DTNBP1: variants seen among roughly 807,000 people sequenced by gnomAD.
DTNBP1 encodes dysbindin.
In DTNBP1, 35 loss-of-function variants were observed where a neutral mutation model predicts 42.8. The ratio of observed to expected loss-of-function variants is 0.82; its 90% CI spans 0.63 to 1.09. DTNBP1 has a LOEUF of 1.09. Ranked by LOEUF, DTNBP1 falls within the 50% of genes least tolerant of loss-of-function variation. DTNBP1 has a pLI of 0.00. For synonymous variants in DTNBP1, 171 were observed against 162.2 expected (o/e 1.05, Z -0.41); for missense variants, 457 against 424.2 (o/e 1.08, Z -0.68).
At chr6:15,527,246 A>T (rs1772469478) in intron 8 of DTNBP1, among the ~76,000 whole-genome samples, 1 of 152,214 alleles carries the variant, frequency 6.6e-6, no homozygotes, top group Non-Finnish European at 1.5e-5. Context: ...TGGCAGAATG[A>T]CAATGAAAAC....
At chr6:15,570,644 C>A (rs1191464807) in intron 7 of DTNBP1, among the ~76,000 whole-genome samples, 3 of 152,214 alleles carry the variant, frequency 2.0e-5, no homozygotes, top group Admixed American at 2.0e-4. Context: ...CTGTTCACTG[C>A]AATAAAGTCA....
rs544560230 is a variant in DTNBP1 at position 15,575,776 on chromosome 6, T to C, written c.511+17283A>G. Among the ~76,000 whole-genome samples the C allele has an allele frequency of 9.8e-5, 15 of 152,302 alleles. No individual in the cohort carries two copies. The East Asian group carries it at 2.7e-3, about 27-fold the overall frequency. On this transcript the variant is annotated intron_variant, in intron 7 of 9. Transcript: ENST00000344537. The stretch of plus-strand genomic sequence containing the variant: ...GATGAATAGATGTGGGAGGTGCACC[T>C]CATGAGCTTTTGAGGGGGACCTCCC...
intron 7 of DTNBP1, among the ~76,000 whole-genome samples, chr6:15,565,832 G>A (rs897710283): frequency 1.3e-5 from 2 of 151,848 alleles, no homozygotes; most frequent in Non-Finnish European, 3.0e-5. Flanking sequence ...TTTATGGCTT[G>A]TAGATTATAC....
intron 3 of DTNBP1, among the ~76,000 whole-genome samples, chr6:15,638,773 C>T (rs1211403917): frequency 6.6e-6 from 1 of 151,670 alleles, no homozygotes; most frequent in Admixed American, 6.6e-5. Context: ...TACTAACTTA[C>T]AGTTAATTAC....
In DTNBP1 at chr6:15,637,804, C is replaced by T. The variant is rs77460377; in HGVS notation, c.162G>A (p.Arg54=). 1,828 of 1,612,376 alleles carry T rather than the reference C, an allele frequency of 1.1e-3. 2 individuals carry two copies. Among genetic ancestry groups the T allele is most frequent in the Non-Finnish European group, 1.4e-3 (1,673 of 1,179,916 alleles). Residue 54 remains arginine, a splice_region_variant and synonymous_variant, in exon 4 of 10, where the codon AGG becomes AGA. Coordinates refer to ENST00000344537, the MANE Select transcript of DTNBP1 (RefSeq NM_032122.5). ...GAAGTGCAGCCCATGTATCCTCATA[C>T]CTAAAAAAAAGCAAAAAATAATTTG... ...KYSAGLELLS[R]YEDTWAALHR...
intron 7 of DTNBP1, among the ~76,000 whole-genome samples, chr6:15,547,748 G>A (rs1773965686): frequency 6.6e-6 from 1 of 152,146 alleles, no homozygotes; most frequent in Non-Finnish European, 1.5e-5. Flanking sequence ...CCTGTGCTTG[G>A]TGGCTTCCAC....
At chr6:15,652,950 G>C (rs1241448727) in intron 1 of DTNBP1, among the ~76,000 whole-genome samples, 1 of 152,058 alleles carries the variant, frequency 6.6e-6, no homozygotes, top group African/African-American at 2.4e-5. Flanking sequence ...CTTACCCCAA[G>C]CCCCTTTTTT....
chr6:15,652,166 T>C (rs1444947929), intron 1 of DTNBP1, 26 bp from the exon 2 acceptor site: 25 of 1,518,374 alleles, frequency 1.6e-5, no homozygotes, highest in Non-Finnish European at 2.2e-5. Context: ...AAATATAATA[T>C]TTTTACAAGT....
chr6:15,652,671 A>G (rs1194206417), intron 1 of DTNBP1, among the ~76,000 whole-genome samples: 2 of 152,168 alleles, frequency 1.3e-5, no homozygotes, highest in East Asian at 1.9e-4. Context: ...TCTGTTGCCC[A>G]GGCTAGAGTA....
intron 5 of DTNBP1, among the ~76,000 whole-genome samples, chr6:15,625,468 G>A (rs764916119): frequency 6.6e-6 from 1 of 152,180 alleles, no homozygotes; most frequent in Non-Finnish European, 1.5e-5. Context: ...TGAACATTTG[G>A]AAGGCCTACC....
chr6:15,524,783 G>T, intron 8 of DTNBP1, 114 bp from the exon 9 acceptor site: 1 of 1,491,088 alleles, frequency 6.7e-7, no homozygotes, highest in Non-Finnish European at 9.0e-7. Context: ...CCTTCAAAAT[G>T]GAATTTGAAG....
At chr6:15,524,457 G>A (rs750121859) in intron 9 of DTNBP1, 69 bp downstream of exon 9, 35 of 1,613,886 alleles carry the variant, frequency 2.2e-5, no homozygotes, top group Non-Finnish European at 2.7e-5. Context: ...TGGTTCTCAC[G>A]TCTCACCTTT....
intron 7 of DTNBP1, among the ~76,000 whole-genome samples, chr6:15,588,890 A>C (rs760666): frequency 6.6e-6 from 1 of 152,220 alleles, no homozygotes; most frequent in African/African-American, 2.4e-5. Flanking sequence ...CTCTCTGGTT[A>C]ATTACTCCCA....
At chr6:15,565,307 T>C (rs1308103461) in intron 7 of DTNBP1, among the ~76,000 whole-genome samples, 2 of 152,172 alleles carry the variant, frequency 1.3e-5, no homozygotes, top group Non-Finnish European at 2.9e-5. Context: ...AAACTTATCA[T>C]AGAATCCAGC....
In DTNBP1 at chr6:15,561,700, G is replaced by A. The variant is rs575467523; in HGVS notation, c.512-28305C>T. Among the ~76,000 whole-genome samples, 335 of 152,290 alleles carry A rather than the reference G, an allele frequency of 2.2e-3. 1 individual carries two copies. Among genetic ancestry groups the A allele is most frequent in the African/African-American group, 7.8e-3 (325 of 41,558 alleles). Reference sequence around the variant, plus strand: ...GCAACTCCATCTTGAATAGGGGCTGGGTAAAATGACCTGCTGGGCTGAATT... The same window carrying A: ...GCAACTCCATCTTGAATAGGGGCTGAGTAAAATGACCTGCTGGGCTGAATT... On this transcript the variant is annotated intron_variant, in intron 7 of 9. Coordinates refer to ENST00000344537, the MANE Select transcript of DTNBP1 (RefSeq NM_032122.5).
chr6:15,615,340 A>T lies in DTNBP1; in HGVS notation c.415T>A (p.Cys139Ser). 3 of 1,614,158 alleles carry T rather than the reference A, an allele frequency of 1.9e-6. No individual in the cohort carries two copies. The highest frequency in any genetic ancestry group is 4.5e-5 in the East Asian group (2 of 44,878). ...CATCTTTCTAATTCACACTGCCCAC[A>T]TAAGTCTTCCAGATGCAGCAGGTTG... ...ENNLLHLEDL[C>S]GQCELERCKH... Residue 139 changes from cysteine (C) to serine (S), a missense_variant, in exon 6 of 10, where the codon TGT becomes AGT. Cys to Ser is a moderately radical substitution (Grantham distance 112). Transcript: ENST00000344537.
intron 7 of DTNBP1, among the ~76,000 whole-genome samples, chr6:15,582,376 A>C (rs577873267): frequency 6.6e-6 from 1 of 152,306 alleles, no homozygotes; most frequent in South Asian, 2.1e-4. Context: ...TTCTCATCTC[A>C]CAGGGTTGTT....
At chr6:15,641,043 GCT>G (rs1760316562) in intron 3 of DTNBP1, among the ~76,000 whole-genome samples, 1 of 152,216 alleles carries the variant, frequency 6.6e-6, no homozygotes, top group Non-Finnish European at 1.5e-5. Context: ...CACAGAGGCA[GCT>G]ACTGTTGCAA....
intron 6 of DTNBP1, among the ~76,000 whole-genome samples, chr6:15,614,724 C>T (rs1164264034): frequency 1.3e-5 from 2 of 152,176 alleles, no homozygotes; most frequent in Admixed American, 6.5e-5. Flanking sequence ...AATTAGGTAA[C>T]AATTAATTCA....
Sources: allele counts gnomAD v4.1 joint callset (sites outside exome capture counted in the v4.1 genomes callset), GRCh38; gene constraint gnomAD v4.1.1; transcripts MANE v1.5; gene names NCBI Gene and HGNC (gene_info 2026-07-23, HGNC 2026-07-21).